Variants in R3HDM2 observed in about 807,000 individuals in gnomAD.
The protein encoded by R3HDM2 is R3H domain containing 2.
In R3HDM2, 38 loss-of-function variants were observed where a neutral mutation model predicts 124.5. The ratio of observed to expected loss-of-function variants is 0.31; its 90% confidence interval spans 0.24 to 0.40. R3HDM2 has a LOEUF of 0.40. Ranked by LOEUF, R3HDM2 falls within the 10% of genes least tolerant of loss-of-function variation. The pLI is 1.00. For missense variants in R3HDM2, 869 were observed against 1,236.9 expected, an observed-to-expected ratio of 0.70 and a Z score of 4.46; for synonymous variants, 391 against 448.0, an observed-to-expected ratio of 0.87 and a Z score of 1.61.
intron 2 of R3HDM2, among the ~76,000 whole-genome samples, chr12:57,385,115 C>T (rs2065522304): frequency 6.6e-6 from 1 of 152,024 alleles, no homozygotes; most frequent in African/African-American, 2.4e-5. Context: ...GATCGAGCCA[C>T]TGCACTCCAG....
Position 57,254,904 on chromosome 12 carries a change from C to T in R3HDM2, c.2842G>A (p.Ala948Thr). ...GCAGCCAGGGGGCTGGGGAACACAG[C>T]CACAATGGTGTACAAGGCAGCGAGG... Reference protein sequence around the residue: ...SDLAALYTIVAVFPSPLAAQN... With the variant: ...SDLAALYTIVTVFPSPLAAQN... Residue 948 changes from alanine (A) to threonine (T), a missense_variant, in exon 24 of 24, where the codon GCT (alanine) becomes ACT (threonine). By Grantham distance (58) the Ala-to-Thr change is moderately conservative. Coordinates refer to ENST00000402412, the MANE Select transcript of R3HDM2 (RefSeq NM_001394031.1). The T allele has an allele frequency of 1.2e-6, 2 of 1,614,160 alleles. No individual in the cohort carries two copies. Among genetic ancestry groups the T allele is most frequent in the Non-Finnish European group, 8.5e-7 (1 of 1,180,024 alleles).
At chr12:57,322,147 C>T (rs979269134) in intron 2 of R3HDM2, among the ~76,000 whole-genome samples, 3 of 152,098 alleles carry the variant, frequency 2.0e-5, no homozygotes, top group African/African-American at 7.2e-5. Flanking sequence ...ATCCTGGAGG[C>T]GGAGGTTGCA....
At chr12:57,389,427 G>A (rs1401438725) in intron 2 of R3HDM2, among the ~76,000 whole-genome samples, 1 of 152,182 alleles carries the variant, frequency 6.6e-6, no homozygotes, top group Non-Finnish European at 1.5e-5. Flanking sequence ...TCTAATTATT[G>A]AAAAGTGGCC....
intron 19 of R3HDM2, among the ~76,000 whole-genome samples, chr12:57,262,177 T>C (rs1376918636): frequency 6.6e-6 from 1 of 152,208 alleles, no homozygotes; most frequent in Non-Finnish European, 1.5e-5. Context: ...AATAATATCT[T>C]GGTATTTTTC....
chr12:57,266,856 TGGTGAAGCAGTAGA>T, intron 18 of R3HDM2, 25 bp from the exon 19 acceptor site: 1 of 1,497,980 alleles, frequency 6.7e-7, no homozygotes, highest in East Asian at 2.3e-5. Flanking sequence ...AAGAGAGGAG[TGGTGAAGCAGTAGA>T]GGGATGAACA....
chr12:57,262,814 G>C (rs1299930996), intron 19 of R3HDM2, among the ~76,000 whole-genome samples: 1 of 152,150 alleles, frequency 6.6e-6, no homozygotes, highest in African/African-American at 2.4e-5. Flanking sequence ...GGTGAATACA[G>C]TATTTTACAT....
At chr12:57,350,826 T>G (rs1222028303) in intron 2 of R3HDM2, among the ~76,000 whole-genome samples, 1 of 151,838 alleles carries the variant, frequency 6.6e-6, no homozygotes, top group Non-Finnish European at 1.5e-5. Context: ...GTTGGCCAGG[T>G]GCAGTGGTTC....
chr12:57,395,133 T>C (rs938950911), intron 2 of R3HDM2, among the ~76,000 whole-genome samples: 1 of 150,948 alleles, frequency 6.6e-6, no homozygotes, highest in Non-Finnish European at 1.5e-5. Flanking sequence ...TCATTTGAAC[T>C]CAGGAGGCAC....
intron 14 of R3HDM2, among the ~76,000 whole-genome samples, chr12:57,275,300 C>T (rs1195856353): frequency 3.3e-5 from 5 of 152,004 alleles, no homozygotes; most frequent in Non-Finnish European, 5.9e-5. Context: ...TCATCTCTCA[C>T]CTTATACAAA....
intron 13 of R3HDM2, among the ~76,000 whole-genome samples, chr12:57,282,530 C>A (rs1391637541): frequency 6.6e-6 from 1 of 152,048 alleles, no homozygotes; most frequent in Non-Finnish European, 1.5e-5. Context: ...TGCAATGGCT[C>A]ATGTCTGTAA....
intron 3 of R3HDM2, chr12:57,304,411 G>A (rs1300733109): frequency 1.4e-6 from 1 of 708,064 alleles, no homozygotes; most frequent in Non-Finnish European, 1.7e-6. Flanking sequence ...GAACTCCAAT[G>A]GGGCGTAGAG....
chr12:57,304,922 T>C (rs1035765093), intron 3 of R3HDM2, among the ~76,000 whole-genome samples: 2 of 152,166 alleles, frequency 1.3e-5, no homozygotes, highest in Non-Finnish European at 2.9e-5. Flanking sequence ...CGGTGGCTCA[T>C]GCCTGTAATC....
intron 3 of R3HDM2, chr12:57,305,619 A>G: frequency 1.0e-5 from 4 of 398,996 alleles, no homozygotes; most frequent in Non-Finnish European, 1.8e-5. Context: ...ACTGGAGGAT[A>G]TGGAGATAAA....
At chr12:57,334,036 CAAA>C (rs879884252) in intron 2 of R3HDM2, among the ~76,000 whole-genome samples, 1 of 124,190 alleles carries the variant, frequency 8.1e-6, no homozygotes. Context: ...GACTCCGTCT[CAAA>C]AAAAAAAAAG....
At chr12:57,378,621 C>T (rs2064405965) in intron 2 of R3HDM2, among the ~76,000 whole-genome samples, 2 of 152,174 alleles carry the variant, frequency 1.3e-5, no homozygotes, top group South Asian at 4.1e-4. Context: ...TCAAGACATC[C>T]TTCTGCTTTG....
At chr12:57,395,846 C>G in intron 1 of R3HDM2, 28 bp from the exon 2 acceptor site, 1 of 934,388 alleles carries the variant, frequency 1.1e-6, no homozygotes, top group Middle Eastern at 5.5e-4. Context: ...AAAAAAAAAA[C>G]AAGTTAAAAG....
At chr12:57,383,850 G>A (rs1056259907) in intron 2 of R3HDM2, among the ~76,000 whole-genome samples, 1 of 152,134 alleles carries the variant, frequency 6.6e-6, no homozygotes, top group Non-Finnish European at 1.5e-5. Context: ...TTTGTTCTGG[G>A]AGTAAATATT....
At chr12:57,341,464 C>T (rs1006909840) in intron 2 of R3HDM2, 18 of 971,860 alleles carry the variant, frequency 1.9e-5, no homozygotes, top group African/African-American at 7.0e-5. Flanking sequence ...AAAATCACTA[C>T]GTCACTGGAG....
chr12:57,340,832 C>A (rs2059470385), intron 2 of R3HDM2, among the ~76,000 whole-genome samples: 1 of 151,658 alleles, frequency 6.6e-6, no homozygotes, highest in Admixed American at 6.6e-5. Flanking sequence ...CTCTGCAGCC[C>A]TCTAGAAATC....
Sources: allele counts gnomAD v4.1 joint callset (sites outside exome capture counted in the v4.1 genomes callset), GRCh38; gene constraint gnomAD v4.1.1; transcripts MANE v1.5; gene names NCBI Gene and HGNC (gene_info 2026-07-23, HGNC 2026-07-21).